ATXN10: variants seen among roughly 807,000 people sequenced by gnomAD.
The protein encoded by ATXN10 is ataxin-10.
A neutral mutation model predicts 52.9 loss-of-function variants in ATXN10; 28 were observed. The observed-to-expected ratio is 0.53, with a 90% confidence interval of 0.39 to 0.73. The LOEUF (loss-of-function observed/expected upper bound fraction) is 0.73. ATXN10 is among the 30% of genes least tolerant of loss of function. The probability of loss-of-function intolerance (pLI) is 0.00; values close to 1 mark genes in which losing one functional copy is unlikely to be tolerated. For missense variants in ATXN10, 565 were observed against 577.0 expected (o/e 0.98, Z 0.21); for synonymous variants, 226 against 221.5 (o/e 1.02, Z -0.18).
chr22:45,790,181 A>T lies in ATXN10; in HGVS notation c.1174-16778A>T, dbSNP rs1405336578. On this transcript the variant is annotated intron_variant, in intron 9 of 11. Transcript: ENST00000252934. This position sits in a 1 kb window ranked among gnomAD's most constrained non-coding sequence, Gnocchi z 4.7. ...CAAAATATATTCTCCCTGATTTCTT[A>T]TTCTGCACAATCCCAGTTAGAGGGG... Among the ~76,000 whole-genome samples, 2 of 152,274 alleles carry T rather than the reference A, an allele frequency of 1.3e-5. No homozygotes were observed. The highest frequency in any genetic ancestry group is 3.9e-4 in the East Asian group (2 of 5,186).
At chr22:45,735,126 G>A (rs143774697) in intron 7 of ATXN10, among the ~76,000 whole-genome samples, 110 of 152,034 alleles carry the variant, frequency 7.2e-4, no homozygotes, top group East Asian at 5.4e-3. Flanking sequence ...TGATCCACCC[G>A]CCTCGGGCTC....
chr22:45,831,688 C>T (rs747696552), intron 10 of ATXN10, among the ~76,000 whole-genome samples: 4 of 152,200 alleles, frequency 2.6e-5, no homozygotes, highest in East Asian at 1.9e-4. Flanking sequence ...ACCAGCTGTT[C>T]GGCAGTGGAA....
In ATXN10 at chr22:45,810,840, A is replaced by G. The variant is rs376391759; in HGVS notation, c.1237+3818A>G. The stretch of plus-strand genomic sequence containing the variant: ...TTGTTCAGTTATCTTTTGGAGCTTG[A>G]TTTCTAGTATAAATGCATTGTGATC... On this transcript the variant is annotated intron_variant, in intron 10 of 11. Transcript: ENST00000252934. 9.5e-4 allele frequency among the ~76,000 whole-genome samples: 144 copies of G among 152,258 alleles called. 1 individual carries two copies. Among genetic ancestry groups the G allele is most frequent in the Middle Eastern group, 6.8e-3 (2 of 294 alleles).
Position 45,740,369 on chromosome 22 carries a change from A to C in ATXN10, c.1004A>C (p.Asp335Ala). ...VFPGLLERVI[D>A]LLRVIHVAGK... ...ATGAAGTTTACTCTTTTGGTTATAG[A>C]TCTTTTGCGGGTGATTCATGTAGCT... The change falls in exon 9 of 12, where the codon GAT (aspartate) becomes GCT (alanine). Residue 335 changes from aspartate (D) to alanine (A), a missense_variant and splice_region_variant. Coordinates refer to ENST00000252934, the MANE Select transcript of ATXN10 (RefSeq NM_013236.4). The C allele has an allele frequency of 6.2e-7, 1 of 1,613,852 alleles. No individual in the cohort carries two copies. The highest frequency in any genetic ancestry group is 8.5e-7 in the Non-Finnish European group (1 of 1,179,840).
chr22:45,836,118 AAC>A (rs1216669178), intron 10 of ATXN10, among the ~76,000 whole-genome samples: 2 of 152,198 alleles, frequency 1.3e-5, no homozygotes, highest in Non-Finnish European at 2.9e-5. Context: ...GTGGGTATTG[AAC>A]ACATAGTTTC....
intron 9 of ATXN10, among the ~76,000 whole-genome samples, chr22:45,741,689 G>GA (rs139463464): frequency 0.015 from 2,161 of 148,518 alleles, 53 homozygotes; most frequent in African/African-American, 0.05. Flanking sequence ...GTAAAAAATA[G>GA]AAAAAAAAAA....
intron 10 of ATXN10, among the ~76,000 whole-genome samples, chr22:45,814,506 A>G (rs1928392884): frequency 2.6e-5 from 4 of 152,220 alleles, no homozygotes; most frequent in Non-Finnish European, 5.9e-5. Flanking sequence ...GAACTAATAC[A>G]TGATGGTGGG....
chr22:45,722,233 T>C (rs765975075), intron 6 of ATXN10, among the ~76,000 whole-genome samples: 35 of 152,224 alleles, frequency 2.3e-4, no homozygotes, highest in Non-Finnish European at 3.1e-4. Context: ...AATAAGTCAA[T>C]GAGTAACTAG....
rs1424931028 is a variant in ATXN10, at chr22:45,844,704, T to A, written c.*1033T>A. Reference sequence around the variant, plus strand: ...CTCTAGGGGGAGGTCACGTTGTGAATGCTTAAAACATATTATTTTCTTCAA... The same window carrying A: ...CTCTAGGGGGAGGTCACGTTGTGAAAGCTTAAAACATATTATTTTCTTCAA... On this transcript the variant is annotated 3_prime_UTR_variant, in exon 12 of 12. Transcript: ENST00000252934. 6.6e-6 allele frequency: 1 copy of A among 152,244 alleles called. No individual in the cohort carries two copies. Among genetic ancestry groups the A allele is most frequent in the African/African-American group, 2.4e-5 (1 of 41,462 alleles). The allele number at this position is 152,244 out of a possible 1,614,324, so 9.4% of individuals were successfully genotyped here.
At chr22:45,803,464 A>G (rs1435077050) in intron 9 of ATXN10, among the ~76,000 whole-genome samples, 2 of 152,116 alleles carry the variant, frequency 1.3e-5, no homozygotes, top group Non-Finnish European at 2.9e-5. Flanking sequence ...CCCATGCTAT[A>G]TGTTCTTCTA....
intron 2 of ATXN10, among the ~76,000 whole-genome samples, chr22:45,691,226 G>A (rs1422246074): frequency 1.3e-5 from 2 of 152,150 alleles, no homozygotes; most frequent in African/African-American, 4.8e-5. Flanking sequence ...TCCTTTTCCA[G>A]TCACAAGGTG....
intron 3 of ATXN10, among the ~76,000 whole-genome samples, chr22:45,693,813 CAG>C (rs1923478238): frequency 6.6e-6 from 1 of 152,138 alleles, no homozygotes; most frequent in Non-Finnish European, 1.5e-5. Flanking sequence ...TGTGAAGACA[CAG>C]GGAGAAGATG....
intron 9 of ATXN10, among the ~76,000 whole-genome samples, chr22:45,760,138 C>T (rs1160284123): frequency 2.6e-5 from 4 of 152,138 alleles, no homozygotes; most frequent in Non-Finnish European, 5.9e-5. Flanking sequence ...AGCAGTAGCC[C>T]ATGTACTGGT....
rs909341181 is a variant in ATXN10, at chr22:45,747,900, G to C, written c.1173+7362G>C. Among the ~76,000 whole-genome samples, 3 of 151,436 alleles carry C rather than the reference G, an allele frequency of 2.0e-5. No homozygotes were observed. The East Asian group carries it at 5.8e-4, about 29-fold the overall frequency. ...GTTTGAGAGCAGCCTGGGCAACATA[G>C]TAAGACCTCCCATCTCTAAAAAAAT... On this transcript the variant is annotated intron_variant, in intron 9 of 11. Transcript: ENST00000252934.
In ATXN10 at chr22:45,792,629, G is replaced by A. The variant is rs1927554451; in HGVS notation, c.1174-14330G>A. 4 of 247,074 alleles carry A rather than the reference G, an allele frequency of 1.6e-5. No homozygotes were observed. The South Asian group carries it at 2.1e-4, about 13-fold the overall frequency. The allele number at this position is 247,074 out of a possible 1,614,324, so 15.3% of individuals were successfully genotyped here. ...CTTGGCTCTTCAGTAGTTCACGTAT[G>A]TGAGAAGTCACGGCAAGTTCCCTAA... On this transcript the variant is annotated intron_variant, in intron 9 of 11. Transcript: ENST00000252934.
At chr22:45,746,216 C>T (rs1925719689) in intron 9 of ATXN10, among the ~76,000 whole-genome samples, 1 of 151,134 alleles carries the variant, frequency 6.6e-6, no homozygotes, top group African/African-American at 2.4e-5. Flanking sequence ...ACATTCATAA[C>T]ATGATCAATT....
chr22:45,818,713 C>T lies in ATXN10; in HGVS notation c.1237+11691C>T, dbSNP rs902613117. 1.1e-4 allele frequency among the ~76,000 whole-genome samples: 16 copies of T among 151,822 alleles called. No homozygotes were observed. Among genetic ancestry groups the T allele is most frequent in the Middle Eastern group, 3.4e-3 (1 of 294 alleles). ...GAAGCTGCTTCCCTGGACTTGCTCT[C>T]GGTTACTTCAGCTGCCTGTCTGCTG... On this transcript the variant is annotated intron_variant, in intron 10 of 11. Coordinates refer to ENST00000252934, the MANE Select transcript of ATXN10 (RefSeq NM_013236.4). This position sits in a 1 kb window ranked among gnomAD's most constrained non-coding sequence, Gnocchi z 4.6.
chr22:45,808,065 G>A (rs1928160422), intron 10 of ATXN10, among the ~76,000 whole-genome samples: 1 of 152,222 alleles, frequency 6.6e-6, no homozygotes, highest in South Asian at 2.1e-4. Flanking sequence ...AAAGAGCACA[G>A]TAGCTTGTAA....
intron 9 of ATXN10, among the ~76,000 whole-genome samples, chr22:45,773,408 T>TCCC (rs1926841474): frequency 6.6e-6 from 1 of 152,090 alleles, no homozygotes; most frequent in Non-Finnish European, 1.5e-5. Context: ...CTGTGGGGGT[T>TCCC]AAATGGGAAC....
Sources: gnomAD v4.1 joint callset for allele counts (sites outside exome capture counted in the v4.1 genomes callset) on GRCh38, gnomAD v4.1.1 for gene constraint, Gnocchi (gnomAD v3.1) non-coding constraint, MANE v1.5 for transcripts, NCBI Gene and HGNC (gene_info 2026-07-23, HGNC 2026-07-21) for gene names.